DCDC1: variants seen among roughly 807,000 people sequenced by gnomAD.
DCDC1 encodes doublecortin domain-containing protein 1.
Under a neutral mutation model 178.3 loss-of-function variants are expected in DCDC1, and 200 were observed. That is an observed-to-expected ratio of 1.12 (90% CI 1.00 to 1.26). The LOEUF is 1.26. DCDC1 is among the 50% of genes most tolerant of loss of function. DCDC1 has a pLI of 0.00. For missense variants in DCDC1, 1,983 were observed against 1,749.2 expected (o/e 1.13, Z -2.38); for synonymous variants, 690 against 604.8 (o/e 1.14, Z -2.07).
At chr11:31,043,321 G>A (rs557743236) in intron 20 of DCDC1, among the ~76,000 whole-genome samples, 1 of 152,286 alleles carries the variant, frequency 6.6e-6, no homozygotes, top group East Asian at 1.9e-4. Flanking sequence ...CTTCTGGTAG[G>A]TTCGTATGTA....
intron 20 of DCDC1, among the ~76,000 whole-genome samples, chr11:31,052,053 A>T (rs1315410379): frequency 3.9e-5 from 6 of 152,208 alleles, no homozygotes; most frequent in Admixed American, 3.9e-4. Context: ...AAACATACAG[A>T]ACCACAAAAT....
chr11:31,313,891 G>A (rs1440010457), intron 3 of DCDC1, among the ~76,000 whole-genome samples: 1 of 152,072 alleles, frequency 6.6e-6, no homozygotes, highest in East Asian at 1.9e-4. Context: ...CTGGAACCTG[G>A]GCTAATTTTA....
chr11:30,971,564 T>C (rs553161202), intron 20 of DCDC1, among the ~76,000 whole-genome samples: 22 of 149,602 alleles, frequency 1.5e-4, no homozygotes, highest in Admixed American at 9.3e-4. Context: ...GAGTATGTCA[T>C]GTAGAAGAAA....
At chr11:31,136,551 G>A (rs1963156274) in intron 10 of DCDC1, among the ~76,000 whole-genome samples, 1 of 151,902 alleles carries the variant, frequency 6.6e-6, no homozygotes, top group African/African-American at 2.4e-5. Context: ...ATCATAATAA[G>A]AAATACCAAA....
chr11:31,083,834 G>C (rs1490653234), intron 17 of DCDC1, among the ~76,000 whole-genome samples: 2 of 152,136 alleles, frequency 1.3e-5, no homozygotes, highest in Non-Finnish European at 2.9e-5. Context: ...TGTTATGTTA[G>C]TTTTTTAGTT....
At position 30,878,583 on chromosome 11, in the gene DCDC1, G is replaced by C. The variant is rs1055283875; in HGVS notation, c.*1C>G. The C allele has an allele frequency of 6.3e-7, 1 of 1,596,916 alleles. No homozygotes were observed. The highest frequency in any genetic ancestry group is 8.5e-7 in the Non-Finnish European group (1 of 1,174,638). The stretch of plus-strand genomic sequence containing the variant: ...AGAAAATCCGATGGTTCTGATAGGA[G>C]TTAATTGTGGAGATGTGCCAGAGAC... On this transcript the variant is annotated 3_prime_UTR_variant, in exon 38 of 39. Transcript: ENST00000684477.
rs1212366946 is a variant in DCDC1 at position 31,206,806 on chromosome 11, T to C, written c.1221+34644A>G. Among the ~76,000 whole-genome samples the C allele has an allele frequency of 2.0e-5, 3 of 152,204 alleles. No individual in the cohort carries two copies. In the East Asian group the frequency reaches 5.8e-4, roughly 29 times the overall value. On this transcript the variant is annotated intron_variant, in intron 9 of 38. Coordinates refer to ENST00000684477, the MANE Select transcript of DCDC1 (RefSeq NM_001387274.1). ...AGATGAATTCCCTATTTATTCTAAC[T>C]TATTAAAATTTAACATGCCCTTCCA...
intron 1 of DCDC1, among the ~76,000 whole-genome samples, chr11:31,367,795 T>G (rs1952039360): frequency 6.6e-6 from 1 of 152,242 alleles, no homozygotes; most frequent in South Asian, 2.1e-4. Flanking sequence ...TGGAAAGTAC[T>G]GCTCTATAAA....
At chr11:31,312,320 T>C (rs1948819737) in intron 3 of DCDC1, among the ~76,000 whole-genome samples, 2 of 152,194 alleles carry the variant, frequency 1.3e-5, no homozygotes, top group Non-Finnish European at 2.9e-5. Flanking sequence ...ACAACAGCCC[T>C]GTATTATTAT....
At chr11:31,016,159 A>C (rs574502469) in intron 20 of DCDC1, among the ~76,000 whole-genome samples, 34 of 152,284 alleles carry the variant, frequency 2.2e-4, no homozygotes, top group African/African-American at 7.2e-4. Flanking sequence ...GGGAATAATA[A>C]TACTTCCCGT....
intron 17 of DCDC1, among the ~76,000 whole-genome samples, chr11:31,085,597 T>C (rs1382254859): frequency 1.3e-5 from 2 of 152,224 alleles, no homozygotes; most frequent in African/African-American, 2.4e-5. Context: ...TTGCTGGGTA[T>C]TCTATTGTAT....
At chr11:30,988,151 A>C (rs955897399) in intron 20 of DCDC1, among the ~76,000 whole-genome samples, 1 of 152,236 alleles carries the variant, frequency 6.6e-6, no homozygotes, top group Non-Finnish European at 1.5e-5. Context: ...TCATTTAAAA[A>C]TAATGACTCT....
chr11:30,934,001 C>T (rs1947104962), intron 21 of DCDC1, among the ~76,000 whole-genome samples: 1 of 152,168 alleles, frequency 6.6e-6, no homozygotes, highest in South Asian at 2.1e-4. Context: ...CCTTTTTCTG[C>T]TAGTATCATG....
chr11:30,895,409 G>A (rs1408766643), intron 34 of DCDC1, among the ~76,000 whole-genome samples: 1 of 152,170 alleles, frequency 6.6e-6, no homozygotes, highest in Non-Finnish European at 1.5e-5. Context: ...AGGCTTCTTA[G>A]AGAGAGTAAC....
chr11:31,170,645 T>C (rs1488986941), intron 9 of DCDC1, among the ~76,000 whole-genome samples: 2 of 152,178 alleles, frequency 1.3e-5, no homozygotes, highest in African/African-American at 4.8e-5. Context: ...TGTAATCTGA[T>C]GTTTCATCTA....
chr11:31,091,821 C>T (rs545293231), intron 16 of DCDC1, among the ~76,000 whole-genome samples: 2 of 152,142 alleles, frequency 1.3e-5, no homozygotes, highest in East Asian at 1.9e-4. Flanking sequence ...GTGTCACTTG[C>T]TGTAGTTATA....
intron 12 of DCDC1, among the ~76,000 whole-genome samples, chr11:31,108,144 T>C (rs1243829910): frequency 6.6e-6 from 1 of 152,208 alleles, no homozygotes; most frequent in Non-Finnish European, 1.5e-5. Flanking sequence ...GTATAGGATC[T>C]AAGTATTAGG....
chr11:31,232,316 A>G (rs1321991999), intron 9 of DCDC1, among the ~76,000 whole-genome samples: 5 of 152,158 alleles, frequency 3.3e-5, no homozygotes, highest in Non-Finnish European at 7.3e-5. Context: ...TTAATCATCT[A>G]AAATATACTT....
chr11:31,146,377 T>C (rs558124699), intron 9 of DCDC1, among the ~76,000 whole-genome samples: 60 of 152,314 alleles, frequency 3.9e-4, no homozygotes, highest in African/African-American at 1.2e-3. Context: ...TGAGCCACCA[T>C]GCCCAGCCCT....
Sources: allele counts gnomAD v4.1 joint callset (sites outside exome capture counted in the v4.1 genomes callset), GRCh38; gene constraint gnomAD v4.1.1; transcripts MANE v1.5; gene names NCBI Gene and HGNC (gene_info 2026-07-23, HGNC 2026-07-21).